ADAM19: variants seen among roughly 807,000 people sequenced by gnomAD.
ADAM19 encodes disintegrin and metalloproteinase domain-containing protein 19.
ADAM19 carries 65 observed loss-of-function variants against 114.7 expected under a neutral mutation model. The observed-to-expected ratio is 0.57, with a 90% CI of 0.46 to 0.70. The LOEUF (loss-of-function observed/expected upper bound fraction) is 0.70, where lower values mean the gene tolerates loss of function less well. ADAM19 is among the 30% of genes least tolerant of loss of function. ADAM19 has a pLI of 0.00. For synonymous variants in ADAM19, 466 were observed against 460.5 expected, an observed-to-expected ratio of 1.01 and a Z score of -0.15; for missense variants, 1,063 against 1,204.7, an observed-to-expected ratio of 0.88 and a Z score of 1.74.
intron 3 of ADAM19, among the ~76,000 whole-genome samples, chr5:157,539,952 C>T (rs1403299843): frequency 6.6e-6 from 1 of 152,224 alleles, no homozygotes; most frequent in Non-Finnish European, 1.5e-5. Flanking sequence ...GGTCTGGAGA[C>T]TGGAAAACTG....
intron 3 of ADAM19, among the ~76,000 whole-genome samples, chr5:157,560,076 TA>T (rs1757469663): frequency 6.6e-6 from 1 of 151,410 alleles, no homozygotes; most frequent in Non-Finnish European, 1.5e-5. Context: ...CCATCCCGGC[TA>T]AAACGGTGAA....
chr5:157,550,980 T>A (rs1000590398), intron 3 of ADAM19, among the ~76,000 whole-genome samples: 6 of 152,134 alleles, frequency 3.9e-5, no homozygotes, highest in African/African-American at 1.4e-4. Context: ...GACTATAATA[T>A]CACACAGCCA....
At chr5:157,489,219 G>A (rs969243001) in intron 19 of ADAM19, 33 bp from the exon 20 acceptor site, 8 of 1,517,250 alleles carry the variant, frequency 5.3e-6, no homozygotes, top group Non-Finnish European at 5.5e-6. Flanking sequence ...GAAAAGAAAG[G>A]GGACGATGTT....
At chr5:157,490,529 G>A in intron 18 of ADAM19, 75 bp from the exon 19 acceptor site, 3 of 1,525,012 alleles carry the variant, frequency 2.0e-6, no homozygotes, top group Admixed American at 1.9e-5. Flanking sequence ...AGGTATTCGT[G>A]CTTCTTCTTC....
rs1756810200 is a variant in ADAM19, at chr5:157,537,953, G to C, written c.290C>G (p.Thr97Ser). 1 of 1,614,122 alleles carries C rather than the reference G, an allele frequency of 6.2e-7. No homozygotes were observed. Among genetic ancestry groups the C allele is most frequent in the Non-Finnish European group, 8.5e-7 (1 of 1,180,014 alleles). ...FAPSYTETHY[T>S]SSGNPQTTTR... ...GGTGGTTTGAGGGTTACCACTTGAA[G>C]TATAATGGGTTTCTGTGTAGGAAGG... The change falls in exon 4 of 23, where the codon ACT (threonine) becomes AGT (serine). Residue 97 changes from threonine to serine, a missense_variant. Physicochemically the swap from Thr to Ser is moderately conservative, Grantham distance 58. This residue lies in a region of ADAM19 where 615 missense variants were observed against 706.3 expected (regional missense o/e 0.87). Transcript: ENST00000257527.
chr5:157,518,841 G>A lies in ADAM19; in HGVS notation c.648C>T (p.Leu216=), dbSNP rs72811306. Residue 216 remains leucine, a synonymous_variant, in exon 7 of 23, where the codon CTC becomes CTT. Coordinates refer to ENST00000257527, the MANE Select transcript of ADAM19 (RefSeq NM_033274.5). ...CCCTTACCTCTAAATAATCAGCCACGAGGTAAAGCTCCACATACTTCATGG... is the reference window on the plus strand; with the variant it reads ...CCCTTACCTCTAAATAATCAGCCACAAGGTAAAGCTCCACATACTTCATGG... ...LNSMKYVELY[L]VADYLEFQKN... is the part of the protein sequence containing the mutation. 11,103 of 1,613,870 alleles carry A rather than the reference G, an allele frequency of 6.9e-3. 55 individuals carry two copies. The highest frequency in any genetic ancestry group is 8.5e-3 in the Non-Finnish European group (10,054 of 1,179,754).
Position 157,538,069 on chromosome 5 carries a change from T to C in ADAM19, c.252-78A>G, listed in dbSNP as rs1052623158. On this transcript the variant is annotated intron_variant, in intron 3 of 22. Coordinates refer to ENST00000257527, the MANE Select transcript of ADAM19 (RefSeq NM_033274.5). ...CCTAGCAACAACGAGTGATTTTAACTGAACCAGGCAGGACTATCCCAAGCA... is the reference window on the plus strand; with the variant it reads ...CCTAGCAACAACGAGTGATTTTAACCGAACCAGGCAGGACTATCCCAAGCA... 7 of 1,223,666 alleles carry C rather than the reference T, an allele frequency of 5.7e-6. No individual in the cohort carries two copies. The Admixed American group carries it at 1.1e-4, about 19-fold the overall frequency. 75.8% of individuals were successfully genotyped at this position (1,223,666 alleles called of 1,614,324 possible).
intron 1 of ADAM19, among the ~76,000 whole-genome samples, 156 bp from the exon 2 acceptor site, chr5:157,571,136 T>G (rs1757811203): frequency 6.6e-6 from 1 of 152,166 alleles, no homozygotes; most frequent in African/African-American, 2.4e-5. Context: ...GCACTCTAGG[T>G]GTCGGTGATA....
At chr5:157,563,960 G>GC (rs959543023) in intron 3 of ADAM19, among the ~76,000 whole-genome samples, 1 of 152,160 alleles carries the variant, frequency 6.6e-6, no homozygotes, top group African/African-American at 2.4e-5. Context: ...GAGGCTCCAA[G>GC]CCCCAGCACA....
chr5:157,573,951 G>T lies in ADAM19; in HGVS notation c.94+1652C>A, dbSNP rs372025745. Among the ~76,000 whole-genome samples the T allele has an allele frequency of 3.3e-5, 5 of 152,242 alleles. No individual in the cohort carries two copies. The East Asian group carries it at 9.6e-4, about 29-fold the overall frequency. On this transcript the variant is annotated intron_variant, in intron 1 of 22. Coordinates refer to ENST00000257527, the MANE Select transcript of ADAM19 (RefSeq NM_033274.5). ...CTCTCCTGTTTGCTACCTCATTAAT[G>T]AGTTGAATAAATCTTGGCCACATTT...
At chr5:157,550,250 G>A (rs1365562749) in intron 3 of ADAM19, among the ~76,000 whole-genome samples, 2 of 2,228 alleles carry the variant, frequency 9.0e-4, no homozygotes, top group African/African-American at 4.3e-3. Flanking sequence ...CAAGGAAAGG[G>A]CTTATCCCAG....
chr5:157,517,688 T>C (rs907512040), intron 7 of ADAM19, among the ~76,000 whole-genome samples: 1 of 152,222 alleles, frequency 6.6e-6, no homozygotes, highest in Non-Finnish European at 1.5e-5. Flanking sequence ...GGAGGGTCTG[T>C]CTTCTTGAGA....
At chr5:157,540,154 T>G (rs1179609537) in intron 3 of ADAM19, among the ~76,000 whole-genome samples, 1 of 152,226 alleles carries the variant, frequency 6.6e-6, no homozygotes, top group African/African-American at 2.4e-5. Flanking sequence ...TGGAGCTGGG[T>G]AAAAGTTAGT....
intron 5 of ADAM19, among the ~76,000 whole-genome samples, chr5:157,522,462 T>C (rs531930883): frequency 4.7e-4 from 71 of 152,304 alleles, no homozygotes; most frequent in African/African-American, 1.6e-3. Context: ...CCCACAACCT[T>C]ACCCTGACCT....
rs1186571994 is a variant in ADAM19 at position 157,564,239 on chromosome 5, TG to T, written c.251+133del. The T allele has an allele frequency of 7.9e-6, 6 of 759,446 alleles. No individual in the cohort carries two copies. In the African/African-American group the frequency reaches 1.0e-4, roughly 13 times the overall value. 47.0% of individuals were successfully genotyped at this position (759,446 alleles called of 1,614,324 possible). The stretch of plus-strand genomic sequence containing the variant: ...GAAAGGCTCTGGCTTTGCAAGATGC[TG>T]CCTGAAAGAAACCAAGGACTGAGAG... On this transcript the variant is annotated intron_variant, in intron 3 of 22. Transcript: ENST00000257527.
chr5:157,479,776 G>C lies in ADAM19; in HGVS notation c.*1173C>G. Reference sequence around the variant, plus strand: ...TGATCTCGGGCAGCTCCCAGAAATGGGTCTGTTCTCTGCTCAGAGGGCAAC... The same window carrying C: ...TGATCTCGGGCAGCTCCCAGAAATGCGTCTGTTCTCTGCTCAGAGGGCAAC... On this transcript the variant is annotated 3_prime_UTR_variant, in exon 23 of 23. Coordinates refer to ENST00000257527, the MANE Select transcript of ADAM19 (RefSeq NM_033274.5). 1.0e-6 allele frequency: 1 copy of C among 985,550 alleles called. No individual in the cohort carries two copies. The highest frequency in any genetic ancestry group is 5.2e-4 in the Middle Eastern group (1 of 1,936). The allele number at this position is 985,550 out of a possible 1,614,324, so 61.1% of individuals were successfully genotyped here. A position where few individuals can be genotyped will look rare whatever the true frequency, so the allele number is the denominator to read the frequency against.
intron 3 of ADAM19, among the ~76,000 whole-genome samples, chr5:157,563,262 G>A (rs1757561367): frequency 2.0e-5 from 3 of 152,242 alleles, no homozygotes; most frequent in Admixed American, 2.0e-4. Context: ...CATCTTTCTG[G>A]CTTCCCGAGG....
chr5:157,502,449 C>G (rs375650417), intron 12 of ADAM19, among the ~76,000 whole-genome samples: 7 of 152,234 alleles, frequency 4.6e-5, no homozygotes, highest in African/African-American at 1.7e-4. Context: ...GCCCATATAT[C>G]TGGCTGTGTG....
Position 157,480,153 on chromosome 5 carries a change from G to A in ADAM19, c.*796C>T, listed in dbSNP as rs1012768086. The A allele has an allele frequency of 2.3e-5, 23 of 986,142 alleles. No individual in the cohort carries two copies. In the African/African-American group the frequency reaches 4.0e-4, roughly 17 times the overall value. The allele number at this position is 986,142 out of a possible 1,614,324, so 61.1% of individuals were successfully genotyped here. A position where few individuals can be genotyped will look rare whatever the true frequency, so the allele number is the denominator to read the frequency against. On this transcript the variant is annotated 3_prime_UTR_variant, in exon 23 of 23. Coordinates refer to ENST00000257527, the MANE Select transcript of ADAM19 (RefSeq NM_033274.5). ...GGAGAATGAGAGGGGAAGGAAGAGA[G>A]AAAAGCGTGGGGCACCAGGAAAGTG...
Sources: gnomAD v4.1 joint callset for allele counts (sites outside exome capture counted in the v4.1 genomes callset) on GRCh38, gnomAD v4.1.1 for gene constraint, gnomAD v4.1.1 regional missense constraint, MANE v1.5 for transcripts, NCBI Gene and HGNC (gene_info 2026-07-23, HGNC 2026-07-21) for gene names.